NLRP11: variants seen among roughly 807,000 people sequenced by gnomAD.
The protein encoded by NLRP11 is NACHT, LRR and PYD domains-containing protein 11.
Under a neutral mutation model 79.3 loss-of-function variants are expected in NLRP11, and 53 were observed. The ratio of observed to expected loss-of-function variants is 0.67; its 90% CI spans 0.54 to 0.84. NLRP11 has a LOEUF of 0.84. Ranked by LOEUF, NLRP11 falls within the 40% of genes least tolerant of loss-of-function variation. The pLI is 0.00. For synonymous variants in NLRP11, 518 were observed against 462.6 expected, an observed-to-expected ratio of 1.12 and a Z score of -1.54; for missense variants, 1,264 against 1,255.0, an observed-to-expected ratio of 1.01 and a Z score of -0.11.
Position 55,818,252 on chromosome 19 carries a change from G to A in NLRP11, c.-62-16C>T. On this transcript the variant is annotated splice_polypyrimidine_tract_variant and intron_variant, in intron 1 of 9. Coordinates refer to ENST00000589093, the Ensembl canonical transcript of NLRP11. ...AATATGAGATCTAAAAATAGATGTG[G>A]AATCAGACAATCAAACCACACAGTA... The A allele has an allele frequency of 1.7e-6, 2 of 1,171,302 alleles. No individual in the cohort carries two copies. Among genetic ancestry groups the A allele is most frequent in the African/African-American group, 1.5e-5 (1 of 65,606 alleles). 72.6% of individuals were successfully genotyped at this position (1,171,302 alleles called of 1,614,324 possible).
At chr19:55,810,115 C>A in exon 3 of NLRP11, 1 of 1,614,108 alleles carries the variant, frequency 6.2e-7, no homozygotes, top group Non-Finnish European at 8.5e-7. Context: ...TCAACACAGC[C>A]AGATTTATAA....
intron 2 of NLRP11, among the ~76,000 whole-genome samples, chr19:55,810,954 C>T (rs1042987129): frequency 2.6e-5 from 4 of 152,084 alleles, no homozygotes; most frequent in East Asian, 1.9e-4. Flanking sequence ...GGTTCCTTAG[C>T]GTTTTAGGTA....
At chr19:55,798,242 C>T in intron 5 of NLRP11, 1 of 782,820 alleles carries the variant, frequency 1.3e-6, no homozygotes, top group Non-Finnish European at 1.6e-6. Context: ...AGGTGATCTG[C>T]CCGCCTCGGC....
chr19:55,799,827 C>T (rs899391290), intron 5 of NLRP11, among the ~76,000 whole-genome samples: 3 of 151,982 alleles, frequency 2.0e-5, no homozygotes, highest in Admixed American at 6.6e-5. Context: ...ATTAGCCATA[C>T]GTGGTGGCAA....
chr19:55,796,987 T>C (rs141790766), intron 5 of NLRP11, among the ~76,000 whole-genome samples: 2 of 152,136 alleles, frequency 1.3e-5, no homozygotes, highest in East Asian at 3.9e-4. Flanking sequence ...CTGTGTCCGG[T>C]CTAACTTTCT....
chr19:55,788,988 G>C lies in NLRP11; in HGVS notation c.2685-11C>G. 6.2e-7 allele frequency: 1 copy of C among 1,613,898 alleles called. No individual in the cohort carries two copies. Among genetic ancestry groups the C allele is most frequent in the Non-Finnish European group, 8.5e-7 (1 of 1,179,932 alleles). ...ATGCACTCTTCTAGCCTGCAACGAAGATGCACAGGTAAGGTGGGGCCAAAT... is the reference window on the plus strand; with the variant it reads ...ATGCACTCTTCTAGCCTGCAACGAACATGCACAGGTAAGGTGGGGCCAAAT... On this transcript the variant is annotated splice_polypyrimidine_tract_variant and intron_variant, in intron 8 of 9. Transcript: ENST00000589093.
chr19:55,817,820 G>GGAAAAAAAAAAAAAAAAA, intron 2 of NLRP11, 84 bp downstream of exon 2: 1 of 835,516 alleles, frequency 1.2e-6, no homozygotes, highest in Non-Finnish European at 1.8e-6. Flanking sequence ...AACCTATTTA[G>GGAAAAAAAAAAAAAAAAA]AAAAAAAAAA....
rs114764635 is a variant in NLRP11 at position 55,818,003 on chromosome 19, T to C, written c.172A>G (p.Ile58Val). 24 of 1,613,404 alleles carry C rather than the reference T, an allele frequency of 1.5e-5. No individual in the cohort carries two copies. Among genetic ancestry groups the C allele is most frequent in the African/African-American group, 5.3e-5 (4 of 75,036 alleles). Reference sequence around the variant, plus strand: ...CATATATACTGTCCCTCATAAGAGATTGGCAACACGTTAGCCAGTTCTTCT... The same window carrying C: ...CATATATACTGTCCCTCATAAGAGACTGGCAACACGTTAGCCAGTTCTTCT... Residue 58 changes from isoleucine (I) to valine (V), a missense_variant, in exon 2 of 10, where the codon ATC becomes GTC. Coordinates refer to ENST00000589093, the Ensembl canonical transcript of NLRP11.
intron 5 of NLRP11, among the ~76,000 whole-genome samples, chr19:55,798,797 G>A: frequency 6.6e-6 from 1 of 151,994 alleles, no homozygotes. Flanking sequence ...CAAACTAGAT[G>A]AAAGTTGCCC....
exon 9 of NLRP11, chr19:55,788,977 C>T (rs1477575672): frequency 1.9e-6 from 3 of 1,613,842 alleles, no homozygotes; most frequent in Non-Finnish European, 1.7e-6. Context: ...ACTCTTCTAG[C>T]CTGCAACGAA....
At chr19:55,817,103 C>T (rs975821471) in intron 2 of NLRP11, among the ~76,000 whole-genome samples, 1 of 151,998 alleles carries the variant, frequency 6.6e-6, no homozygotes, top group Admixed American at 6.6e-5. Flanking sequence ...CGCTAATGAC[C>T]AGGGAAATGC....
At chr19:55,812,460 C>T (rs766400345) in intron 2 of NLRP11, among the ~76,000 whole-genome samples, 6 of 152,116 alleles carry the variant, frequency 3.9e-5, no homozygotes, top group South Asian at 2.1e-4. Flanking sequence ...GTATAAAATA[C>T]GTGTAATTAC....
chr19:55,834,114 TATAAAAC>T (rs1983035604), upstream of NLRP11, among the ~76,000 whole-genome samples: 1 of 152,188 alleles, frequency 6.6e-6, no homozygotes. Flanking sequence ...ACCTCACATT[TATAAAAC>T]ATAAAGTACA....
At position 55,808,830 on chromosome 19, in the gene NLRP11, G is replaced by A. The variant is rs751565195; in HGVS notation, c.1780C>T (p.Leu594Phe). The A allele has an allele frequency of 1.9e-6, 3 of 1,613,858 alleles. No individual in the cohort carries two copies. In the South Asian group the frequency reaches 3.3e-5, roughly 18 times the overall value. The change falls in exon 3 of 10, where the codon CTT (leucine) becomes TTT (phenylalanine). Residue 594 changes from leucine (L) to phenylalanine (F), a missense_variant. Leu to Phe is a conservative substitution (Grantham distance 22). Coordinates refer to ENST00000589093, the Ensembl canonical transcript of NLRP11. ...AAGATGCGCTGAACACTCAACTTAA[G>A]TGTCCTCAGGTGACAGCAGTAATCC...
chr19:55,796,313 T>TAAAA (rs35540760), intron 5 of NLRP11, 63 bp from the exon 6 acceptor site: 13 of 1,013,728 alleles, frequency 1.3e-5, no homozygotes, highest in African/African-American at 5.1e-5. Context: ...TCTTTTAAAT[T>TAAAA]AAAAAAAAAA....
At position 55,792,272 on chromosome 19, in the gene NLRP11, G is replaced by A. The variant is rs779569749; in HGVS notation, c.2513+29C>T. ...CAAGCCCTCATGCAGTAGAAACACA[G>A]TCATCCAGGACAACTGTGGGAGACT... On this transcript the variant is annotated intron_variant, in intron 7 of 9. Transcript: ENST00000589093. 1.1e-4 allele frequency: 173 copies of A among 1,602,842 alleles called. No individual in the cohort carries two copies. In the Admixed American group the frequency reaches 2.8e-3, roughly 26 times the overall value.
intron 5 of NLRP11, among the ~76,000 whole-genome samples, chr19:55,797,189 C>T (rs1048873454): frequency 1.3e-5 from 2 of 152,056 alleles, no homozygotes; most frequent in African/African-American, 4.8e-5. Context: ...GTCCCAGCTA[C>T]TTGGGAGACT....
chr19:55,799,111 A>G (rs1979225487), intron 5 of NLRP11, among the ~76,000 whole-genome samples: 1 of 152,144 alleles, frequency 6.6e-6, no homozygotes, highest in South Asian at 2.1e-4. Flanking sequence ...TACCAAAAAT[A>G]TAAAAGTTAG....
At chr19:55,820,083 C>T (rs547787011) in intron 1 of NLRP11, among the ~76,000 whole-genome samples, 69 of 152,282 alleles carry the variant, frequency 4.5e-4, no homozygotes, top group Admixed American at 7.2e-4. Context: ...CAGTGCCCAA[C>T]AAGGTAAGAA....
Sources: allele counts gnomAD v4.1 joint callset (sites outside exome capture counted in the v4.1 genomes callset), GRCh38; gene constraint gnomAD v4.1.1; transcripts MANE v1.5; gene names NCBI Gene and HGNC (gene_info 2026-07-23, HGNC 2026-07-21).